Variants in CFAP90 observed in about 807,000 individuals in gnomAD.
CFAP90 encodes cilia- and flagella-associated protein 90.
At chr5:7,833,862 G>T in the CFAP90 span, among the ~76,000 whole-genome samples, 1 of 152,138 alleles carries the variant, frequency 6.6e-6, no homozygotes, top group African/African-American at 2.4e-5. Context: ...CATAACTGTT[G>T]TCATGTCATA....
the CFAP90 span, among the ~76,000 whole-genome samples, chr5:7,834,198 G>A: frequency 1.3e-5 from 2 of 152,080 alleles, no homozygotes; most frequent in Non-Finnish European, 2.9e-5. Flanking sequence ...CTTCCAGTGG[G>A]ACAAGATGTG....
the CFAP90 span, among the ~76,000 whole-genome samples, chr5:7,843,993 A>T: frequency 6.6e-6 from 1 of 152,114 alleles, no homozygotes; most frequent in East Asian, 1.9e-4. Flanking sequence ...TCATTGGAAC[A>T]TGGATTCCTC....
chr5:7,842,693 G>T, the CFAP90 span, among the ~76,000 whole-genome samples: 1 of 152,252 alleles, frequency 6.6e-6, no homozygotes, highest in South Asian at 2.1e-4. Context: ...AAACATAAAT[G>T]CTGGGCTATG....
At chr5:7,841,902 G>A in the CFAP90 span, among the ~76,000 whole-genome samples, 4 of 152,180 alleles carry the variant, frequency 2.6e-5, no homozygotes, top group South Asian at 4.2e-4. Flanking sequence ...TGGGTGATGG[G>A]ATGATCTGTA....
At chr5:7,835,319 A>G in the CFAP90 span, 1 of 874,356 alleles carries the variant, frequency 1.1e-6, no homozygotes, top group Non-Finnish European at 1.8e-6. Flanking sequence ...ATAAAACTAG[A>G]TATGCCTCTA....
chr5:7,836,892 G>A, the CFAP90 span, among the ~76,000 whole-genome samples: 1 of 152,136 alleles, frequency 6.6e-6, no homozygotes, highest in Non-Finnish European at 1.5e-5. Context: ...GGTGGGGGTA[G>A]GGGGTGGTCA....
the CFAP90 span, among the ~76,000 whole-genome samples, chr5:7,842,843 G>A: frequency 2.0e-5 from 3 of 152,216 alleles, no homozygotes; most frequent in East Asian, 1.9e-4. Context: ...TAAATACTTC[G>A]GTCATGGTCA....
At chr5:7,835,050 G>A in the CFAP90 span, among the ~76,000 whole-genome samples, 2 of 152,134 alleles carry the variant, frequency 1.3e-5, no homozygotes, top group Non-Finnish European at 2.9e-5. Flanking sequence ...TCATACAAAC[G>A]TTTTGGTGTT....
chr5:7,839,014 T>C, the CFAP90 span, among the ~76,000 whole-genome samples: 3 of 152,178 alleles, frequency 2.0e-5, no homozygotes, highest in African/African-American at 7.2e-5. Context: ...GGACTTATAG[T>C]TCTGTGTGGA....
At chr5:7,846,163 T>G in the CFAP90 span, among the ~76,000 whole-genome samples, 3 of 152,048 alleles carry the variant, frequency 2.0e-5, no homozygotes, top group South Asian at 4.2e-4. Context: ...GCCTCAAAGG[T>G]GGGTAGAGTG....
At chr5:7,835,659 C>T in the CFAP90 span, among the ~76,000 whole-genome samples, 1 of 151,930 alleles carries the variant, frequency 6.6e-6, no homozygotes, top group Non-Finnish European at 1.5e-5. Flanking sequence ...CCAGCTGTGA[C>T]GTGGAGCAGG....
chr5:7,832,638 C>T, the CFAP90 span, among the ~76,000 whole-genome samples: 4 of 152,194 alleles, frequency 2.6e-5, no homozygotes, highest in African/African-American at 9.7e-5. Flanking sequence ...CAAGCGTGCA[C>T]CACCACGCTC....
chr5:7,851,022 G>A, the CFAP90 span: 8 of 1,253,398 alleles, frequency 6.4e-6, no homozygotes, highest in Middle Eastern at 8.7e-4. Context: ...CGTCCTCCAT[G>A]CCGCCACCGT....
the CFAP90 span, among the ~76,000 whole-genome samples, chr5:7,839,414 C>T: frequency 1.3e-5 from 2 of 152,190 alleles, no homozygotes; most frequent in East Asian, 3.9e-4. Flanking sequence ...GTCCAACCCT[C>T]CTGAACTGAG....
the CFAP90 span, among the ~76,000 whole-genome samples, chr5:7,841,910 G>A: frequency 6.6e-6 from 1 of 151,980 alleles, no homozygotes; most frequent in African/African-American, 2.4e-5. Context: ...GGGATGATCT[G>A]TACAACCCAC....
At chr5:7,831,662 C>T in the CFAP90 span, 4 of 553,888 alleles carry the variant, frequency 7.2e-6, no homozygotes, top group East Asian at 2.8e-5. Context: ...TGGTCAGGCT[C>T]CTAACCCAGC....
chr5:7,850,859 A>C, the CFAP90 span: 2 of 1,293,610 alleles, frequency 1.5e-6, no homozygotes, highest in Non-Finnish European at 2.0e-6. Context: ...CTCCGCGCCC[A>C]GTCCGCGGTC....
At chr5:7,849,320 G>C in the CFAP90 span, among the ~76,000 whole-genome samples, 1 of 152,184 alleles carries the variant, frequency 6.6e-6, no homozygotes, top group Non-Finnish European at 1.5e-5. Context: ...TAGGGTCTAG[G>C]ATGGTGGGGG....
At chr5:7,850,822 AGCCG>A in the CFAP90 span, 1 of 999,770 alleles carries the variant, frequency 1.0e-6, no homozygotes. Context: ...CCAGCCGCCC[AGCCG>A]CCCAGCCGCC....
Sources: gnomAD v4.1 joint callset for allele counts (sites outside exome capture counted in the v4.1 genomes callset) on GRCh38, gnomAD v4.1.1 for gene constraint, MANE v1.5 for transcripts, NCBI Gene and HGNC (gene_info 2026-07-23, HGNC 2026-07-21) for gene names.